The following MAP4 variants were observed in gnomAD, a reference collection of about 807,000 sequenced individuals.
MAP4 encodes microtubule associated protein 4.
Under a neutral mutation model 170.2 loss-of-function variants are expected in MAP4, and 76 were observed. The observed-to-expected ratio is 0.45, with a 90% CI of 0.37 to 0.54. The LOEUF is 0.54. Ranked by LOEUF, MAP4 falls within the 20% of genes least tolerant of loss-of-function variation. The pLI is 0.00. For missense variants in MAP4, 2,506 were observed against 2,748.0 expected (o/e 0.91, Z 1.97); for synonymous variants, 909 against 994.5 (o/e 0.91, Z 1.62).
intron 1 of MAP4, among the ~76,000 whole-genome samples, chr3:48,065,066 G>C (rs2100137706): frequency 6.6e-6 from 1 of 152,092 alleles, no homozygotes; most frequent in African/African-American, 2.4e-5. Context: ...GAAGTTCCAG[G>C]CTGCAGTGAG....
chr3:48,058,656 GA>G (rs569007771), intron 1 of MAP4, among the ~76,000 whole-genome samples: 142 of 151,974 alleles, frequency 9.3e-4, no homozygotes, highest in African/African-American at 3.2e-3. Context: ...ATTAATTAAA[GA>G]AAAAAATGTA....
chr3:47,997,651 A>G (rs2100096704), intron 2 of MAP4, among the ~76,000 whole-genome samples: 1 of 151,996 alleles, frequency 6.6e-6, no homozygotes, highest in Non-Finnish European at 1.5e-5. Flanking sequence ...AAAAAAATTA[A>G]TGAAACCAAA....
intron 3 of MAP4, among the ~76,000 whole-genome samples, chr3:47,947,015 C>A (rs1487938612): frequency 6.6e-6 from 1 of 152,156 alleles, no homozygotes; most frequent in East Asian, 1.9e-4. Flanking sequence ...CCCATTCTAC[C>A]AATTGACTCC....
At chr3:48,079,200 C>T (rs1388459258) in intron 1 of MAP4, among the ~76,000 whole-genome samples, 1 of 151,934 alleles carries the variant, frequency 6.6e-6, no homozygotes, top group Non-Finnish European at 1.5e-5. Flanking sequence ...TGAAATGCTC[C>T]AAAATCTAAT....
At position 47,910,680 on chromosome 3, in the gene MAP4, A is replaced by C. The variant is rs1302857831; in HGVS notation, c.3741T>G (p.Asp1247Glu). The C allele has an allele frequency of 6.5e-7, 1 of 1,536,096 alleles. No homozygotes were observed. The highest frequency in any genetic ancestry group is 8.7e-7 in the Non-Finnish European group (1 of 1,146,884). The change falls in exon 9 of 21, where the codon GAT (aspartate) becomes GAG (glutamate). Residue 1247 changes from aspartate (D) to glutamate (E), a missense_variant. Around this residue, in one of 3 missense-constraint regions of MAP4, gnomAD observed 2,008 missense variants for 2,206.0 expected, o/e 0.91. Coordinates refer to ENST00000683076, the MANE Select transcript of MAP4 (RefSeq NM_001385682.1). ...TATGGGGAATACTACCAGTATCTCC[A>C]TCCTTCCCTTCAAAAGGTGGGTTAA... ...EILNPPFEGKDGDTGSIPHKS... is the reference protein window; with the variant it reads ...EILNPPFEGKEGDTGSIPHKS...
At chr3:48,017,484 CTTTTTTT>C (rs555856378), upstream of MAP4, among the ~76,000 whole-genome samples, 1,899 of 138,556 alleles carry the variant, frequency 0.014, 47 homozygotes, top group African/African-American at 0.047. Context: ...TTTCTTTTTT[CTTTTTTT>C]TTTTTTTTGT....
rs527265135 is a variant in MAP4, at chr3:47,974,988, C to T, written c.292+2877G>A. 19 of 987,164 alleles carry T rather than the reference C, an allele frequency of 1.9e-5. No homozygotes were observed. In the South Asian group the frequency reaches 8.9e-4, roughly 46 times the overall value. 61.2% of individuals were successfully genotyped at this position (987,164 alleles called of 1,614,324 possible). ...AGGGAGAAGAAAAGGAAATTCGCTGCAGTACTGGTGGCCTCAACCCCTTTA... is the reference window on the plus strand; with the variant it reads ...AGGGAGAAGAAAAGGAAATTCGCTGTAGTACTGGTGGCCTCAACCCCTTTA... On this transcript the variant is annotated intron_variant, in intron 3 of 20. Coordinates refer to ENST00000683076, the MANE Select transcript of MAP4 (RefSeq NM_001385682.1).
intron 1 of MAP4, among the ~76,000 whole-genome samples, chr3:48,005,033 A>G (rs760091282): frequency 2.6e-5 from 4 of 152,114 alleles, no homozygotes; most frequent in African/African-American, 9.7e-5. Context: ...TGAGGTTGAG[A>G]GTGTGACCCA....
At chr3:48,018,176 T>C, upstream of MAP4, among the ~76,000 whole-genome samples, 1 of 152,206 alleles carries the variant, frequency 6.6e-6, no homozygotes, top group Admixed American at 6.5e-5. Flanking sequence ...CATGGACTGG[T>C]ACCAATCTAC....
intron 1 of MAP4, among the ~76,000 whole-genome samples, chr3:48,085,839 G>A (rs775271159): frequency 9.9e-5 from 15 of 151,958 alleles, no homozygotes; most frequent in East Asian, 1.9e-4. Context: ...GGCGGAACAC[G>A]AGGTCAGGAG....
chr3:47,997,900 T>C (rs1458456510), intron 2 of MAP4, among the ~76,000 whole-genome samples: 1 of 152,164 alleles, frequency 6.6e-6, no homozygotes, highest in Admixed American at 6.5e-5. Context: ...AACAGATAAC[T>C]GGAATAGTTC....
intron 3 of MAP4, chr3:47,974,166 C>T: frequency 1.0e-6 from 1 of 972,640 alleles, no homozygotes; most frequent in Non-Finnish European, 1.2e-6. Flanking sequence ...TGTCTCACAC[C>T]TGTAATCCCA....
At chr3:47,975,204 A>T in intron 3 of MAP4, 1 of 1,233,836 alleles carries the variant, frequency 8.1e-7, no homozygotes, top group Non-Finnish European at 1.0e-6. Flanking sequence ...AAAATTAAAA[A>T]GAATTCATTT....
chr3:47,918,911 A>AT, intron 5 of MAP4, 70 bp from the exon 6 acceptor site: 1 of 1,396,996 alleles, frequency 7.2e-7, no homozygotes, highest in Non-Finnish European at 9.9e-7. Flanking sequence ...TATTTGATAT[A>AT]TTTTTGTTTT....
At chr3:47,970,082 C>G (rs778709633) in intron 3 of MAP4, among the ~76,000 whole-genome samples, 2 of 152,182 alleles carry the variant, frequency 1.3e-5, no homozygotes, top group Non-Finnish European at 2.9e-5. Context: ...TTCCCAGTAT[C>G]CCACTCTTGT....
chr3:48,078,563 CAA>C (rs2100145039), intron 1 of MAP4, among the ~76,000 whole-genome samples: 1 of 151,920 alleles, frequency 6.6e-6, no homozygotes, highest in Non-Finnish European at 1.5e-5. Flanking sequence ...GGGAAAACAT[CAA>C]AGAGTAGGGT....
At chr3:47,882,807 C>T (rs1412706931) in intron 10 of MAP4, among the ~76,000 whole-genome samples, 1 of 151,908 alleles carries the variant, frequency 6.6e-6, no homozygotes, top group Non-Finnish European at 1.5e-5. Context: ...TTTCTCCCTA[C>T]TTTAATTTTT....
chr3:48,056,588 C>T (rs1369732105), intron 1 of MAP4, among the ~76,000 whole-genome samples: 2 of 76,036 alleles, frequency 2.6e-5, no homozygotes, highest in Non-Finnish European at 4.6e-5. Context: ...CCCTCAGCCC[C>T]GCCAGCCGCC....
intron 3 of MAP4, chr3:47,975,255 C>T: frequency 7.2e-7 from 1 of 1,381,630 alleles, no homozygotes. Context: ...CTCCATCAAA[C>T]CCTGCAGAGC....
Sources: gnomAD v4.1 joint callset for allele counts (sites outside exome capture counted in the v4.1 genomes callset) on GRCh38, gnomAD v4.1.1 for gene constraint, gnomAD v4.1.1 regional missense constraint, MANE v1.5 for transcripts, NCBI Gene and HGNC (gene_info 2026-07-23, HGNC 2026-07-21) for gene names.